Variants in TSPAN18 observed in about 807,000 individuals in gnomAD.
The protein encoded by TSPAN18 is tetraspanin-18.
Under a neutral mutation model 27.3 loss-of-function variants are expected in TSPAN18, and 14 were observed. The ratio of observed to expected loss-of-function variants is 0.51; its 90% CI spans 0.34 to 0.80. The LOEUF is 0.80. TSPAN18 is among the 30% of genes least tolerant of loss of function. TSPAN18 has a pLI of 0.01. For missense variants in TSPAN18, 268 were observed against 323.9 expected (o/e 0.83, Z 1.32); for synonymous variants, 143 against 136.5 (o/e 1.05, Z -0.33).
chr11:44,890,390 A>G (rs1028063201), intron 3 of TSPAN18, among the ~76,000 whole-genome samples: 1 of 151,940 alleles, frequency 6.6e-6, no homozygotes, highest in Admixed American at 6.5e-5. Flanking sequence ...TTTGTCATCA[A>G]CAGATCTAAG....
chr11:44,832,965 G>C (rs1857186414), intron 2 of TSPAN18, among the ~76,000 whole-genome samples: 1 of 151,976 alleles, frequency 6.6e-6, no homozygotes, highest in Non-Finnish European at 1.5e-5. Flanking sequence ...CTCCTTCTCT[G>C]TGCCTTTGCC....
Position 44,753,749 on chromosome 11 carries a change from G to A in TSPAN18, c.-239-10677G>A, listed in dbSNP as rs116064337. On this transcript the variant is annotated intron_variant, in intron 1 of 9. Coordinates refer to ENST00000520358, the MANE Select transcript of TSPAN18 (RefSeq NM_130783.5). The stretch of plus-strand genomic sequence containing the variant: ...ATGGATTTTAAGAAGCCTGGCTTTC[G>A]TCAGTTACAAAAGGATGAGCTGTGC... Among the ~76,000 whole-genome samples the A allele has an allele frequency of 5.1e-3, 783 of 152,250 alleles. 3 individuals carry two copies. The highest frequency in any genetic ancestry group is 0.018 in the African/African-American group (734 of 41,538).
At chr11:44,882,627 C>CAG (rs71449897) in intron 3 of TSPAN18, among the ~76,000 whole-genome samples, 3,232 of 130,626 alleles carry the variant, frequency 0.025, 65 homozygotes, top group Non-Finnish European at 0.033. Context: ...CACACACACA[C>CAG]AGAGAGAGAG....
chr11:44,878,278 T>C (rs763710031), intron 3 of TSPAN18, among the ~76,000 whole-genome samples: 4 of 152,046 alleles, frequency 2.6e-5, no homozygotes, highest in Non-Finnish European at 5.9e-5. Flanking sequence ...CGCTCTCCTC[T>C]TCCCGCTAAC....
At chr11:44,838,480 A>G (rs1437902753) in intron 2 of TSPAN18, among the ~76,000 whole-genome samples, 1 of 152,250 alleles carries the variant, frequency 6.6e-6, no homozygotes, top group Non-Finnish European at 1.5e-5. Flanking sequence ...AAACCATATC[A>G]CATGGCTAAA....
In TSPAN18 at chr11:44,895,846, A is replaced by G. The variant is rs187254083; in HGVS notation, c.-10-10561A>G. ...GACTGGGATGCAGCAGGAGAAGAGA[A>G]GCGGCAGGAAACCCATCACCCCGTC... On this transcript the variant is annotated intron_variant, in intron 3 of 9. Transcript: ENST00000520358. Among the ~76,000 whole-genome samples, 664 of 152,290 alleles carry G rather than the reference A, an allele frequency of 4.4e-3. 5 individuals are homozygous for G. Among genetic ancestry groups the G allele is most frequent in the African/African-American group, 0.015 (640 of 41,540 alleles).
At chr11:44,862,192 G>A (rs546025970) in intron 3 of TSPAN18, among the ~76,000 whole-genome samples, 1 of 152,236 alleles carries the variant, frequency 6.6e-6, no homozygotes, top group African/African-American at 2.4e-5. Flanking sequence ...CGTCTCTGGG[G>A]GCACGAGGGT....
chr11:44,861,206 C>T (rs990794207), intron 3 of TSPAN18, among the ~76,000 whole-genome samples: 3 of 152,038 alleles, frequency 2.0e-5, no homozygotes, highest in Admixed American at 6.6e-5. Context: ...TGACGCCTTG[C>T]TCATTTCAAA....
At chr11:44,726,342 AAAGAT>A (rs1461644524), upstream of TSPAN18, 7 of 152,326 alleles carry the variant, frequency 4.6e-5, no homozygotes, top group South Asian at 4.1e-4. Flanking sequence ...ACAGAGAAGA[AAAGAT>A]AAGCTCCCCA....
intron 2 of TSPAN18, among the ~76,000 whole-genome samples, chr11:44,824,200 G>T (rs981158034): frequency 6.6e-6 from 1 of 152,102 alleles, no homozygotes; most frequent in African/African-American, 2.4e-5. Flanking sequence ...TTTCCCCTCC[G>T]CTAGGGAAGG....
chr11:44,739,616 G>A (rs1331926964), intron 1 of TSPAN18, among the ~76,000 whole-genome samples: 2 of 152,216 alleles, frequency 1.3e-5, no homozygotes, highest in Non-Finnish European at 2.9e-5. Flanking sequence ...AGAGCCAGGC[G>A]AGACTCCGTC....
At chr11:44,734,127 C>T (rs1357086846) in intron 1 of TSPAN18, among the ~76,000 whole-genome samples, 7 of 152,180 alleles carry the variant, frequency 4.6e-5, no homozygotes, top group Non-Finnish European at 8.8e-5. Context: ...CACATGCCAG[C>T]TCCCCTTCAC....
intron 2 of TSPAN18, among the ~76,000 whole-genome samples, chr11:44,840,883 C>T (rs1018259895): frequency 1.3e-5 from 2 of 152,168 alleles, no homozygotes; most frequent in Non-Finnish European, 2.9e-5. Context: ...ATGGGTACAA[C>T]TGTACTATTC....
chr11:44,848,258 C>G (rs997939564), intron 2 of TSPAN18, among the ~76,000 whole-genome samples: 5 of 152,232 alleles, frequency 3.3e-5, no homozygotes, highest in African/African-American at 1.2e-4. Flanking sequence ...TTTGGCTCTT[C>G]GAGGCGTTCA....
chr11:44,920,649 A>T (rs1428736441), intron 8 of TSPAN18, among the ~76,000 whole-genome samples: 1 of 151,568 alleles, frequency 6.6e-6, no homozygotes, highest in African/African-American at 2.4e-5. Flanking sequence ...ACCAGCCCCC[A>T]CTCTGCCAGT....
rs76257649 is a variant in TSPAN18, at chr11:44,797,069, C to T, written c.-153+32557C>T. 8.0e-4 allele frequency among the ~76,000 whole-genome samples: 122 copies of T among 152,256 alleles called. No homozygotes were observed. The East Asian group carries it at 0.023, about 28-fold the overall frequency. On this transcript the variant is annotated intron_variant, in intron 2 of 9. Coordinates refer to ENST00000520358, the MANE Select transcript of TSPAN18 (RefSeq NM_130783.5). Reference sequence around the variant, plus strand: ...TTTTTTCCTTTGGAGATAAGCATCACCTTCCATATTCTGGATGTTCCTAGG... The same window carrying T: ...TTTTTTCCTTTGGAGATAAGCATCATCTTCCATATTCTGGATGTTCCTAGG...
intron 3 of TSPAN18, among the ~76,000 whole-genome samples, chr11:44,878,241 G>A (rs955444443): frequency 2.6e-5 from 4 of 152,082 alleles, no homozygotes; most frequent in Non-Finnish European, 4.4e-5. Context: ...GAGCGGCAGC[G>A]GACCTGGCTG....
At chr11:44,875,639 G>A (rs972315415) in intron 3 of TSPAN18, among the ~76,000 whole-genome samples, 4 of 152,196 alleles carry the variant, frequency 2.6e-5, no homozygotes, top group Non-Finnish European at 4.4e-5. Context: ...AACTACCTTG[G>A]GAGTCGAGCT....
chr11:44,755,144 C>T (rs1855303231), intron 1 of TSPAN18, among the ~76,000 whole-genome samples: 1 of 152,192 alleles, frequency 6.6e-6, no homozygotes, highest in African/African-American at 2.4e-5. Flanking sequence ...CTGGCCCTTC[C>T]ACCCTCCTCA....
Sources: gnomAD v4.1 joint callset for allele counts (sites outside exome capture counted in the v4.1 genomes callset) on GRCh38, gnomAD v4.1.1 for gene constraint, MANE v1.5 for transcripts, NCBI Gene and HGNC (gene_info 2026-07-23, HGNC 2026-07-21) for gene names.